The following WDR89 variants were observed in gnomAD, a reference collection of about 807,000 sequenced individuals.
WDR89 encodes WD repeat domain 89.
Under a neutral mutation model 29.1 loss-of-function variants are expected in WDR89, and 17 were observed. That is an observed-to-expected ratio of 0.58 (90% CI 0.40 to 0.88). The LOEUF (loss-of-function observed/expected upper bound fraction) is 0.88, where lower values mean the gene tolerates loss of function less well. Ranked by LOEUF, WDR89 falls within the 40% of genes least tolerant of loss-of-function variation. WDR89 has a pLI of 0.00. For synonymous variants in WDR89, 138 were observed against 157.8 expected, an observed-to-expected ratio of 0.87 and a Z score of 0.94; for missense variants, 396 against 456.3, an observed-to-expected ratio of 0.87 and a Z score of 1.20.
intron 1 of WDR89, among the ~76,000 whole-genome samples, chr14:63,634,293 G>A (rs934430063): frequency 3.3e-5 from 5 of 152,114 alleles, no homozygotes; most frequent in East Asian, 1.9e-4. Context: ...AGCCCAAGGC[G>A]GGTGGATCAC....
chr14:63,617,908 A>G (rs866923652), intron 2 of WDR89: 2 of 152,330 alleles, frequency 1.3e-5, no homozygotes, highest in Middle Eastern at 3.4e-3. Flanking sequence ...CAAAGTTTTA[A>G]AAAAGGCAAA....
intron 1 of WDR89, among the ~76,000 whole-genome samples, chr14:63,628,291 C>T (rs1004417003): frequency 1.3e-5 from 2 of 152,188 alleles, no homozygotes; most frequent in Admixed American, 6.5e-5. Flanking sequence ...GAATTTATAA[C>T]TGTACTCATA....
In WDR89 at chr14:63,598,718, A is replaced by G. The variant is rs528555996; in HGVS notation, c.*61T>C. 8 of 1,406,492 alleles carry G rather than the reference A, an allele frequency of 5.7e-6. No homozygotes were observed. The South Asian group carries it at 7.3e-5, about 13-fold the overall frequency. 87.1% of individuals were successfully genotyped at this position (1,406,492 alleles called of 1,614,324 possible). A position where few individuals can be genotyped will look rare whatever the true frequency, so the allele number is the denominator to read the frequency against. On this transcript the variant is annotated 3_prime_UTR_variant, in exon 3 of 3. Transcript: ENST00000620954. The stretch of plus-strand genomic sequence containing the variant: ...AGCTTTAAACATGTCTACCATGGGT[A>G]GTAAACAAGAAGGACTATTTGAAAC...
intron 1 of WDR89, among the ~76,000 whole-genome samples, chr14:63,627,487 T>C (rs892818480): frequency 6.6e-6 from 1 of 152,202 alleles, no homozygotes; most frequent in Non-Finnish European, 1.5e-5. Flanking sequence ...TACAGTTCTA[T>C]AGGTTTTGAC....
chr14:63,638,403 A>G (rs1012869472), intron 1 of WDR89, among the ~76,000 whole-genome samples: 3 of 152,278 alleles, frequency 2.0e-5, no homozygotes, highest in Non-Finnish European at 4.4e-5. Context: ...CATAGGCAAC[A>G]TAGTGAGAAC....
chr14:63,605,868 C>T lies in WDR89; in HGVS notation c.-31-5895G>A, dbSNP rs150267795. Among the ~76,000 whole-genome samples, 7 of 152,308 alleles carry T rather than the reference C, an allele frequency of 4.6e-5. No homozygotes were observed. In the East Asian group the frequency reaches 1.2e-3, roughly 25 times the overall value. On this transcript the variant is annotated intron_variant, in intron 2 of 2. Transcript: ENST00000620954. ...CCTTCAAAGCGTATTCCAGAATGCA[C>T]TGTTCTCATAGAAGATGACAACTCC...
chr14:63,625,675 T>C (rs975689373), intron 1 of WDR89, among the ~76,000 whole-genome samples: 3 of 152,186 alleles, frequency 2.0e-5, no homozygotes, highest in African/African-American at 4.8e-5. Context: ...GTGGCACAGA[T>C]GTCTTCTGTT....
At chr14:63,608,885 G>A (rs1881772253) in intron 2 of WDR89, among the ~76,000 whole-genome samples, 1 of 152,186 alleles carries the variant, frequency 6.6e-6, no homozygotes, top group Non-Finnish European at 1.5e-5. Flanking sequence ...GGGAGATCAC[G>A]AGGTTGGGAG....
At chr14:63,635,717 A>G (rs183644790) in intron 1 of WDR89, among the ~76,000 whole-genome samples, 2 of 152,336 alleles carry the variant, frequency 1.3e-5, no homozygotes, top group Admixed American at 6.5e-5. Flanking sequence ...ATGGTCAATT[A>G]CCTTGAAAAC....
chr14:63,605,539 G>A (rs924195493), intron 2 of WDR89, among the ~76,000 whole-genome samples: 3 of 151,296 alleles, frequency 2.0e-5, no homozygotes, highest in Non-Finnish European at 2.9e-5. Context: ...AGCTCACTGC[G>A]ACCTCTGCCT....
chr14:63,629,510 C>T (rs144320398), intron 1 of WDR89, among the ~76,000 whole-genome samples: 152 of 152,320 alleles, frequency 1.0e-3, no homozygotes, highest in Admixed American at 3.1e-3. Context: ...GAACAGTTTA[C>T]TTTCTTGACT....
At chr14:63,612,600 C>A (rs1276388461) in intron 2 of WDR89, among the ~76,000 whole-genome samples, 1 of 152,104 alleles carries the variant, frequency 6.6e-6, no homozygotes, top group Non-Finnish European at 1.5e-5. Context: ...GTCTCAAACT[C>A]CTGACCTCAG....
In WDR89 at chr14:63,599,425, ACAT is replaced by A. The variant is rs1894941233; in HGVS notation, c.515_517del (p.Asp172del). The A allele has an allele frequency of 1.2e-6, 2 of 1,614,226 alleles. No homozygotes were observed. The highest frequency in any genetic ancestry group is 1.7e-6 in the Non-Finnish European group (2 of 1,180,040). On this transcript the variant is annotated inframe_deletion, in exon 3 of 3. Coordinates refer to ENST00000620954, the MANE Select transcript of WDR89 (RefSeq NM_080666.4). ...GCTGGGATGGAAACGTACTTGAGTG[ACAT>A]CATCACTATGTGTCTCTGAATATGC...
chr14:63,603,249 T>G (rs1174634587), intron 2 of WDR89, among the ~76,000 whole-genome samples: 2 of 151,762 alleles, frequency 1.3e-5, no homozygotes, highest in African/African-American at 4.9e-5. Context: ...CTTGCCACAT[T>G]TGCTTTCTCT....
intron 2 of WDR89, among the ~76,000 whole-genome samples, chr14:63,604,671 T>C (rs1895225376): frequency 6.6e-6 from 1 of 152,236 alleles, no homozygotes; most frequent in Non-Finnish European, 1.5e-5. Context: ...TTTCACTCAA[T>C]ATAATTTTTA....
chr14:63,630,480 T>C lies in WDR89; in HGVS notation c.-137-5447A>G, dbSNP rs151042346. The stretch of plus-strand genomic sequence containing the variant: ...CAACATGGTGAAACCCCGTCTCTAC[T>C]AAAAATTACAAAAATTAGCCGGGAT... On this transcript the variant is annotated intron_variant, in intron 1 of 2. Coordinates refer to ENST00000620954, the MANE Select transcript of WDR89 (RefSeq NM_080666.4). 1.2e-3 allele frequency among the ~76,000 whole-genome samples: 185 copies of C among 151,710 alleles called. No homozygotes were observed. In the East Asian group the frequency reaches 0.03, roughly 25 times the overall value.
At chr14:63,606,367 T>A (rs963525239) in intron 2 of WDR89, among the ~76,000 whole-genome samples, 1 of 152,230 alleles carries the variant, frequency 6.6e-6, no homozygotes, top group Non-Finnish European at 1.5e-5. Flanking sequence ...TTTGTACAGC[T>A]GTACAATGTG....
At chr14:63,630,905 AC>A (rs1883358089) in intron 1 of WDR89, 1 of 151,736 alleles carries the variant, frequency 6.6e-6, no homozygotes. Flanking sequence ...CCTCCTGAGT[AC>A]CTGGGACTAC....
rs778748751 is a variant in WDR89, at chr14:63,599,792, A to G, written c.151T>C (p.Ser51Pro). 1.1e-5 allele frequency: 18 copies of G among 1,614,020 alleles called. No individual in the cohort carries two copies. The East Asian group carries it at 4.0e-4, about 36-fold the overall frequency. ...CTTTCTTTATCATATATTCTGATTG[A>G]TCCATTAGAACATAAAACAGCAACC... is the stretch of plus-strand genomic sequence containing the variant. ...NLVAVLCSNG[S>P]IRIYDKERLN... The change falls in exon 3 of 3, where the codon TCA becomes CCA. Residue 51 changes from serine to proline, a missense_variant. Coordinates refer to ENST00000620954, the MANE Select transcript of WDR89 (RefSeq NM_080666.4).
Sources: gnomAD v4.1 joint callset for allele counts (sites outside exome capture counted in the v4.1 genomes callset) on GRCh38, gnomAD v4.1.1 for gene constraint, MANE v1.5 for transcripts, NCBI Gene and HGNC (gene_info 2026-07-23, HGNC 2026-07-21) for gene names.